The following TBC1D5 variants were observed in gnomAD, a reference collection of about 807,000 sequenced individuals.
TBC1D5 encodes TBC1 domain family member 5, also known as TBC1 domain family, member 5.
A neutral mutation model predicts 100.3 loss-of-function variants in TBC1D5; 75 were observed. The observed-to-expected ratio is 0.75, with a 90% CI of 0.62 to 0.91. The LOEUF (loss-of-function observed/expected upper bound fraction) is 0.91, where lower values mean the gene tolerates loss of function less well. Ranked by LOEUF, TBC1D5 falls within the 40% of genes least tolerant of loss-of-function variation. TBC1D5 has a pLI of 0.00. For missense variants in TBC1D5, 910 were observed against 942.4 expected (o/e 0.97, Z 0.45); for synonymous variants, 323 against 325.6 (o/e 0.99, Z 0.09).
chr3:17,712,837 T>C (rs2074869599), intron 1 of TBC1D5, among the ~76,000 whole-genome samples: 1 of 152,154 alleles, frequency 6.6e-6, no homozygotes. Flanking sequence ...CATTTTAAGG[T>C]GAAATAAATA....
chr3:17,563,726 T>G (rs1283651606), intron 2 of TBC1D5, among the ~76,000 whole-genome samples: 1 of 152,194 alleles, frequency 6.6e-6, no homozygotes, highest in Non-Finnish European at 1.5e-5. Flanking sequence ...ACAATGGTCA[T>G]CACTGGGGAA....
chr3:17,531,966 A>G (rs1289622931), intron 2 of TBC1D5, among the ~76,000 whole-genome samples: 2 of 152,318 alleles, frequency 1.3e-5, no homozygotes, highest in East Asian at 3.9e-4. Context: ...AATGGCAACA[A>G]AAGCCAAAAT....
intron 1 of TBC1D5, among the ~76,000 whole-genome samples, chr3:17,674,143 A>G (rs571671957): frequency 3.3e-5 from 5 of 152,268 alleles, no homozygotes; most frequent in Middle Eastern, 6.8e-3. Context: ...GGACATATCA[A>G]TTGAAACCGT....
chr3:17,230,926 T>C (rs1264355238), intron 17 of TBC1D5, among the ~76,000 whole-genome samples: 2 of 152,188 alleles, frequency 1.3e-5, no homozygotes, highest in Non-Finnish European at 2.9e-5. Flanking sequence ...ATCTCTGAAT[T>C]ATTTATAATA....
chr3:17,639,477 A>AC (rs2064292300), intron 1 of TBC1D5, among the ~76,000 whole-genome samples: 1 of 152,146 alleles, frequency 6.6e-6, no homozygotes, highest in South Asian at 2.1e-4. Context: ...AAAAAAAAAA[A>AC]AAACTATGAA....
At chr3:17,428,926 C>T (rs571399167) in intron 3 of TBC1D5, among the ~76,000 whole-genome samples, 1 of 152,022 alleles carries the variant, frequency 6.6e-6, no homozygotes, top group East Asian at 1.9e-4. Context: ...GGATGATTTT[C>T]CAGGTCCTAG....
chr3:17,237,845 T>C (rs985387906), intron 17 of TBC1D5, among the ~76,000 whole-genome samples: 9 of 152,162 alleles, frequency 5.9e-5, no homozygotes, highest in African/African-American at 2.2e-4. Flanking sequence ...GTGAGAAGCA[T>C]TACTATACAA....
chr3:17,199,893 A>G lies in TBC1D5; in HGVS notation c.1752+14314T>C, dbSNP rs531800682. Reference sequence around the variant, plus strand: ...TTCAGAGTTCCTCACAGAGGCAAAAATAAGAAAGATATCAAATGTTAAAGC... The same window carrying G: ...TTCAGAGTTCCTCACAGAGGCAAAAGTAAGAAAGATATCAAATGTTAAAGC... On this transcript the variant is annotated intron_variant, in intron 18 of 21. Transcript: ENST00000253692. Among the ~76,000 whole-genome samples, 45 of 152,332 alleles carry G rather than the reference A, an allele frequency of 3.0e-4. 1 individual carries two copies. In the East Asian group the frequency reaches 8.3e-3, roughly 28 times the overall value.
At chr3:17,608,499 G>A (rs533527049) in intron 2 of TBC1D5, among the ~76,000 whole-genome samples, 19 of 152,174 alleles carry the variant, frequency 1.2e-4, no homozygotes, top group Admixed American at 1.2e-3. Context: ...GTAAAAATTA[G>A]GTTCCTGATT....
At chr3:17,414,624 T>C (rs961665532) in intron 4 of TBC1D5, among the ~76,000 whole-genome samples, 2 of 152,280 alleles carry the variant, frequency 1.3e-5, no homozygotes, top group Non-Finnish European at 1.5e-5. Flanking sequence ...GCACCAGATA[T>C]GGGTAAGCTA....
intron 13 of TBC1D5, among the ~76,000 whole-genome samples, chr3:17,344,764 A>G (rs906425267): frequency 2.6e-5 from 4 of 152,168 alleles, no homozygotes; most frequent in East Asian, 1.9e-4. Context: ...ATAACGCCAC[A>G]TATCTACAAC....
Position 17,343,178 on chromosome 3 carries a change from C to G in TBC1D5, c.995+28897G>C, listed in dbSNP as rs7610316. 1.1e-3 allele frequency among the ~76,000 whole-genome samples: 173 copies of G among 151,012 alleles called. 1 individual carries two copies. The East Asian group carries it at 0.016, about 14-fold the overall frequency. On this transcript the variant is annotated intron_variant, in intron 13 of 21. Coordinates refer to ENST00000253692, the Ensembl canonical transcript of TBC1D5. ...TTTATTGAGAGTTTTTAGCATGAAG[C>G]GTTGTTGAATTTTGTCAAAGGCCTT...
intron 3 of TBC1D5, among the ~76,000 whole-genome samples, chr3:17,457,236 A>G (rs75451521): frequency 0.023 from 3,433 of 152,156 alleles, 121 homozygotes; most frequent in African/African-American, 0.077. Context: ...GATGTCTGTC[A>G]TTAATTTTGA....
intron 2 of TBC1D5, among the ~76,000 whole-genome samples, chr3:17,543,586 C>T (rs1483013624): frequency 6.6e-6 from 1 of 152,102 alleles, no homozygotes; most frequent in Non-Finnish European, 1.5e-5. Flanking sequence ...TGCAGTGAGT[C>T]ATGCTTGTGC....
At chr3:17,603,517 A>G (rs886810684) in intron 2 of TBC1D5, among the ~76,000 whole-genome samples, 4 of 152,074 alleles carry the variant, frequency 2.6e-5, no homozygotes, top group African/African-American at 9.7e-5. Context: ...AAGGGGGAGG[A>G]ACTCTCAGTT....
At chr3:17,602,736 CTAATTT>C (rs2061060170) in intron 2 of TBC1D5, among the ~76,000 whole-genome samples, 1 of 151,808 alleles carries the variant, frequency 6.6e-6, no homozygotes, top group South Asian at 2.1e-4. Flanking sequence ...CCACACCCAG[CTAATTT>C]TTTTGTATTT....
intron 4 of TBC1D5, among the ~76,000 whole-genome samples, chr3:17,411,165 AAAGATT>A (rs2093913467): frequency 6.6e-6 from 1 of 152,114 alleles, no homozygotes; most frequent in African/African-American, 2.4e-5. Context: ...CTACCAGCAA[AAAGATT>A]AAGAACTGCT....
chr3:17,485,752 T>C (rs1448419667), intron 3 of TBC1D5, among the ~76,000 whole-genome samples: 4 of 151,902 alleles, frequency 2.6e-5, no homozygotes, highest in East Asian at 1.9e-4. Context: ...TGTTGGACAT[T>C]TGGGTTGGTT....
intron 18 of TBC1D5, among the ~76,000 whole-genome samples, chr3:17,206,099 G>A (rs569631090): frequency 1.4e-4 from 21 of 152,158 alleles, no homozygotes; most frequent in Admixed American, 2.6e-4. Flanking sequence ...CTCAATATCC[G>A]CCACTACTAC....
Sources: allele counts gnomAD v4.1 joint callset (sites outside exome capture counted in the v4.1 genomes callset), GRCh38; gene constraint gnomAD v4.1.1; transcripts MANE v1.5; gene names NCBI Gene and HGNC (gene_info 2026-07-23, HGNC 2026-07-21).